The following AFF3 variants were observed in gnomAD, a reference collection of about 807,000 sequenced individuals.
AFF3 encodes ALF transcription elongation factor 3.
AFF3 carries 32 observed loss-of-function variants against 129.7 expected under a neutral mutation model. The observed-to-expected ratio is 0.25, with a 90% confidence interval of 0.19 to 0.33. The LOEUF is 0.33. Among genes scored for constraint, AFF3 ranks in the 10% least tolerant of loss-of-function variants. The pLI, the probability that AFF3 is intolerant of heterozygous loss-of-function variation, is 1.00. For synonymous variants in AFF3, 644 were observed against 635.4 expected, an observed-to-expected ratio of 1.01 and a Z score of -0.20; for missense variants, 1,373 against 1,592.0, an observed-to-expected ratio of 0.86 and a Z score of 2.34.
intron 4 of AFF3, among the ~76,000 whole-genome samples, chr2:100,054,827 T>C (rs1041728499): frequency 6.6e-6 from 1 of 152,158 alleles, no homozygotes; most frequent in Non-Finnish European, 1.5e-5. Context: ...ACTGCACTGC[T>C]CCCTGTGGCA....
intron 7 of AFF3, among the ~76,000 whole-genome samples, chr2:99,927,968 G>A (rs936134748): frequency 3.9e-5 from 6 of 152,084 alleles, no homozygotes; most frequent in Non-Finnish European, 5.9e-5. Flanking sequence ...ATAGTGCATG[G>A]GTCTCATGAG....
intron 7 of AFF3, among the ~76,000 whole-genome samples, chr2:99,865,475 T>A (rs1691323129): frequency 6.6e-6 from 1 of 152,156 alleles, no homozygotes; most frequent in Admixed American, 6.5e-5. Flanking sequence ...GACGACAGAA[T>A]CAGATTCAGA....
intron 12 of AFF3, among the ~76,000 whole-genome samples, chr2:99,650,561 A>G (rs1477212300): frequency 6.6e-6 from 1 of 152,068 alleles, no homozygotes; most frequent in African/African-American, 2.4e-5. Flanking sequence ...CTCCATCTCA[A>G]AAATAAATAA....
intron 7 of AFF3, among the ~76,000 whole-genome samples, chr2:99,841,726 G>A (rs988050051): frequency 6.6e-6 from 1 of 152,164 alleles, no homozygotes; most frequent in African/African-American, 2.4e-5. Flanking sequence ...GAGATGCCAT[G>A]GCTCAGAGAA....
intron 8 of AFF3, among the ~76,000 whole-genome samples, chr2:99,807,310 A>G (rs1253644474): frequency 1.3e-5 from 2 of 152,166 alleles, no homozygotes; most frequent in Admixed American, 1.3e-4. Flanking sequence ...TTGGCTCCCG[A>G]AGTCTAATAA....
intron 8 of AFF3, among the ~76,000 whole-genome samples, chr2:99,804,495 A>T (rs1368046064): frequency 6.6e-6 from 1 of 152,228 alleles, no homozygotes; most frequent in East Asian, 1.9e-4. Context: ...TGAGAATGTA[A>T]ATTAGTACCA....
intron 7 of AFF3, among the ~76,000 whole-genome samples, chr2:99,993,459 G>A (rs1022349689): frequency 6.6e-6 from 1 of 151,606 alleles, no homozygotes; most frequent in Non-Finnish European, 1.5e-5. Context: ...TAATCATTGG[G>A]GGGCATAAGT....
chr2:99,787,917 T>C (rs1346462514), intron 8 of AFF3, among the ~76,000 whole-genome samples: 2 of 152,180 alleles, frequency 1.3e-5, no homozygotes, highest in Non-Finnish European at 2.9e-5. Flanking sequence ...TAATGCACAG[T>C]TGTGCACTAC....
chr2:99,984,656 C>A (rs1323236196), intron 7 of AFF3, among the ~76,000 whole-genome samples: 1 of 152,106 alleles, frequency 6.6e-6, no homozygotes, highest in Non-Finnish European at 1.5e-5. Flanking sequence ...ACCATCTGTT[C>A]CAGTTCTATA....
intron 12 of AFF3, among the ~76,000 whole-genome samples, chr2:99,656,950 C>G (rs1191787277): frequency 6.6e-6 from 1 of 151,980 alleles, no homozygotes; most frequent in Non-Finnish European, 1.5e-5. Context: ...CAAATAAGAA[C>G]AAATTTGAGA....
intron 8 of AFF3, among the ~76,000 whole-genome samples, chr2:99,806,281 T>C (rs566166732): frequency 4.3e-4 from 66 of 152,332 alleles, no homozygotes; most frequent in African/African-American, 1.0e-3. Context: ...TCAACATTCA[T>C]TGAGCTTCTG....
In AFF3 at chr2:99,789,833, G is replaced by A. The variant is rs1236325867; in HGVS notation, c.922-37532C>T. 2.0e-5 allele frequency among the ~76,000 whole-genome samples: 3 copies of A among 152,156 alleles called. No individual in the cohort carries two copies. In the East Asian group the frequency reaches 5.8e-4, roughly 29 times the overall value. On this transcript the variant is annotated intron_variant, in intron 8 of 24. Transcript: ENST00000672756. Reference sequence around the variant, plus strand: ...AAAAATAAACATCAGTGGCATAAGCGCAAGCTCTGCAAATTAAAAGATGGC... The same window carrying A: ...AAAAATAAACATCAGTGGCATAAGCACAAGCTCTGCAAATTAAAAGATGGC...
chr2:99,938,248 AC>A (rs1270806215), intron 7 of AFF3, among the ~76,000 whole-genome samples: 1 of 152,224 alleles, frequency 6.6e-6, no homozygotes, highest in East Asian at 1.9e-4. Context: ...TATAGGCAAG[AC>A]GGACATGCGC....
chr2:99,596,445 C>G (rs1398462492), intron 14 of AFF3, among the ~76,000 whole-genome samples: 7 of 152,178 alleles, frequency 4.6e-5, no homozygotes, highest in Non-Finnish European at 8.8e-5. Flanking sequence ...TCCCTCAACC[C>G]CCATTTCTCT....
At chr2:99,553,918 C>CAAAAAAAAAAAAAAA (rs61326965) in intron 24 of AFF3, among the ~76,000 whole-genome samples, 1 of 56,972 alleles carries the variant, frequency 1.8e-5, no homozygotes, top group Non-Finnish European at 3.1e-5. Flanking sequence ...TGTCTCAAAC[C>CAAAAAAAAAAAAAAA]AAAAAAAAAA....
chr2:99,602,881 A>T (rs902011530), intron 13 of AFF3, among the ~76,000 whole-genome samples: 1 of 152,194 alleles, frequency 6.6e-6, no homozygotes, highest in Non-Finnish European at 1.5e-5. Context: ...GGTAATACTC[A>T]TTGGAGCTTT....
At chr2:100,049,995 C>T (rs1686153788) in intron 4 of AFF3, among the ~76,000 whole-genome samples, 1 of 152,112 alleles carries the variant, frequency 6.6e-6, no homozygotes, top group Non-Finnish European at 1.5e-5. Context: ...GGACAAACCA[C>T]GAGGTCAGGA....
chr2:99,932,811 G>A (rs1368653782), intron 7 of AFF3, among the ~76,000 whole-genome samples: 1 of 152,146 alleles, frequency 6.6e-6, no homozygotes, highest in Non-Finnish European at 1.5e-5. Context: ...GAGGTGGCAA[G>A]GTAAACAGTT....
chr2:100,017,211 C>T (rs1313245552), intron 4 of AFF3, among the ~76,000 whole-genome samples: 1 of 152,068 alleles, frequency 6.6e-6, no homozygotes, highest in African/African-American at 2.4e-5. Flanking sequence ...CCTGGATTTT[C>T]CTTATGAGCC....
Sources: gnomAD v4.1 joint callset for allele counts (sites outside exome capture counted in the v4.1 genomes callset) on GRCh38, gnomAD v4.1.1 for gene constraint, MANE v1.5 for transcripts, NCBI Gene and HGNC (gene_info 2026-07-23, HGNC 2026-07-21) for gene names.